The following SEMA5A variants were observed in gnomAD, a reference collection of about 807,000 sequenced individuals.
SEMA5A encodes the protein semaphorin 5A.
In SEMA5A, 55 loss-of-function variants were observed where a neutral mutation model predicts 135.5. The observed-to-expected ratio is 0.41, with a 90% CI of 0.33 to 0.51. SEMA5A has a LOEUF of 0.51. SEMA5A is among the 20% of genes least tolerant of loss of function. The probability of loss-of-function intolerance (pLI) is 0.37; values close to 1 mark genes in which losing one functional copy is unlikely to be tolerated. For synonymous variants in SEMA5A, 580 were observed against 546.5 expected (o/e 1.06, Z -0.85); for missense variants, 1,290 against 1,419.9 (o/e 0.91, Z 1.47).
intron 3 of SEMA5A, among the ~76,000 whole-genome samples, chr5:9,354,106 C>G (rs1054050897): frequency 6.6e-6 from 1 of 152,306 alleles, no homozygotes; most frequent in African/African-American, 2.4e-5. Flanking sequence ...TCACCAGCCT[C>G]TGCAAAGACA....
At chr5:9,485,490 A>G (rs1365568533) in intron 1 of SEMA5A, among the ~76,000 whole-genome samples, 2 of 152,218 alleles carry the variant, frequency 1.3e-5, no homozygotes, top group African/African-American at 4.8e-5. Flanking sequence ...GCAATGAGCA[A>G]ACGAAACAGA....
intron 11 of SEMA5A, among the ~76,000 whole-genome samples, chr5:9,173,889 A>G (rs1744065231): frequency 1.3e-5 from 2 of 152,312 alleles, no homozygotes; most frequent in South Asian, 2.1e-4. Context: ...CTTTCTTAAC[A>G]TTATGAAAAC....
intron 5 of SEMA5A, among the ~76,000 whole-genome samples, chr5:9,244,682 T>TA (rs141479009): frequency 0.015 from 2,240 of 152,322 alleles, 35 homozygotes; most frequent in Admixed American, 0.041. Flanking sequence ...ATCTAGCTGT[T>TA]AAACAAATTA....
Position 9,118,959 on chromosome 5 carries a change from C to T in SEMA5A, c.1925+39G>A. The T allele has an allele frequency of 3.1e-6, 5 of 1,604,418 alleles. No individual in the cohort carries two copies. The East Asian group carries it at 9.0e-5, about 29-fold the overall frequency. On this transcript the variant is annotated intron_variant, in intron 15 of 22. Transcript: ENST00000382496. ...TCGACCTGGCCGGAATGAGAGTAAG[C>T]GTGAGGCTGGCGGTGCTGGCAGCAG...
rs1746612522 is a variant in SEMA5A, at chr5:9,216,177, G to A, written c.646+8497C>T. ...AGCTGTGTCCCAGAAATTCTGGTATGTTGTATCTTTGTTCTCATTAGTTTC... is the reference window on the plus strand; with the variant it reads ...AGCTGTGTCCCAGAAATTCTGGTATATTGTATCTTTGTTCTCATTAGTTTC... On this transcript the variant is annotated intron_variant, in intron 8 of 22. Transcript: ENST00000382496. 2.0e-5 allele frequency among the ~76,000 whole-genome samples: 3 copies of A among 152,168 alleles called. No individual in the cohort carries two copies. In the South Asian group the frequency reaches 6.2e-4, roughly 31 times the overall value.
rs1758951677 is a variant in SEMA5A, at chr5:9,458,945, T to C, written c.-174-21093A>G. Among the ~76,000 whole-genome samples the C allele has an allele frequency of 2.0e-5, 3 of 152,208 alleles. 1 individual carries two copies. In the South Asian group the frequency reaches 6.2e-4, roughly 32 times the overall value. ...TCAGTTAGAATAAGGTAAGCTGTGTTGTAGGAAAACTGATTCAAGTAGTCT... is the reference window on the plus strand; with the variant it reads ...TCAGTTAGAATAAGGTAAGCTGTGTCGTAGGAAAACTGATTCAAGTAGTCT... On this transcript the variant is annotated intron_variant, in intron 1 of 22. Transcript: ENST00000382496.
intron 16 of SEMA5A, among the ~76,000 whole-genome samples, chr5:9,077,367 G>C (rs1738125958): frequency 6.6e-6 from 1 of 152,150 alleles, no homozygotes; most frequent in Non-Finnish European, 1.5e-5. Flanking sequence ...CTGGGGAGAG[G>C]TTAATGATTT....
rs115065958 is a variant in SEMA5A, at chr5:9,052,100, G to C, written c.2690-72C>G. 1,616 of 1,418,730 alleles carry C rather than the reference G, an allele frequency of 1.1e-3. 9 individuals carry two copies. The African/African-American group carries it at 0.021, about 19-fold the overall frequency. The allele number at this position is 1,418,730 out of a possible 1,614,324, so 87.9% of individuals were successfully genotyped here. ...TCAATCATCCTAGACTCACTGGCAA[G>C]TTACATATGTGATTTCTGGATTCCA... On this transcript the variant is annotated intron_variant, in intron 19 of 22. Coordinates refer to ENST00000382496, the MANE Select transcript of SEMA5A (RefSeq NM_003966.3).
Position 9,136,630 on chromosome 5 carries a change from A to G in SEMA5A, c.1482-9T>C, listed in dbSNP as rs375331155. 1.6e-5 allele frequency: 26 copies of G among 1,607,670 alleles called. No homozygotes were observed. In the African/African-American group the frequency reaches 3.5e-4, roughly 21 times the overall value. On this transcript the variant is annotated splice_polypyrimidine_tract_variant and intron_variant, in intron 12 of 22. Transcript: ENST00000382496. ...GGGCCCCAATGCAGGTGCTGGAAAC[A>G]CACACCAAATGGTCAACAGAAAGGT...
chr5:9,251,591 C>G (rs1488715715), intron 5 of SEMA5A, among the ~76,000 whole-genome samples: 1 of 152,118 alleles, frequency 6.6e-6, no homozygotes, highest in Non-Finnish European at 1.5e-5. Context: ...ATGAGATTAA[C>G]CAGAACCAAT....
At chr5:9,315,807 T>C (rs1011443181) in intron 5 of SEMA5A, among the ~76,000 whole-genome samples, 1 of 152,168 alleles carries the variant, frequency 6.6e-6, no homozygotes, top group Admixed American at 6.6e-5. Context: ...CCTTTGACTA[T>C]TTGGTCATGG....
chr5:9,539,770 T>C (rs375921647), intron 1 of SEMA5A, among the ~76,000 whole-genome samples: 117 of 152,328 alleles, frequency 7.7e-4, no homozygotes, highest in African/African-American at 2.7e-3. Flanking sequence ...TGATTAGGAA[T>C]ATTCAATCTG....
chr5:9,045,008 C>T (rs1736174616), intron 21 of SEMA5A, among the ~76,000 whole-genome samples: 3 of 152,114 alleles, frequency 2.0e-5, no homozygotes. Context: ...TAGTCTCAAA[C>T]TCCCAACCTC....
At chr5:9,369,566 C>A (rs1233777788) in intron 3 of SEMA5A, among the ~76,000 whole-genome samples, 3 of 152,128 alleles carry the variant, frequency 2.0e-5, no homozygotes, top group Non-Finnish European at 4.4e-5. Context: ...GAGAGATATA[C>A]CATTTTTCCA....
chr5:9,303,973 A>G (rs1188838502), intron 5 of SEMA5A, among the ~76,000 whole-genome samples: 1 of 152,214 alleles, frequency 6.6e-6, no homozygotes, highest in African/African-American at 2.4e-5. Flanking sequence ...CTTGTTGAAG[A>G]AAAACAAAAT....
intron 17 of SEMA5A, 115 bp downstream of exon 17, chr5:9,066,306 T>C: frequency 3.2e-6 from 3 of 927,228 alleles, no homozygotes; most frequent in Non-Finnish European, 5.2e-6. Flanking sequence ...TTTTCAAGGC[T>C]GCTAAGCCAT....
chr5:9,045,492 G>GA (rs1736202287), intron 21 of SEMA5A, among the ~76,000 whole-genome samples: 2 of 152,122 alleles, frequency 1.3e-5, no homozygotes, highest in Admixed American at 1.3e-4. Context: ...GGGTCTACAG[G>GA]AAAAATAAAT....
At chr5:9,369,135 T>TA (rs1275801606) in intron 3 of SEMA5A, among the ~76,000 whole-genome samples, 2 of 152,230 alleles carry the variant, frequency 1.3e-5, no homozygotes, top group Non-Finnish European at 2.9e-5. Flanking sequence ...CAGTTATGTC[T>TA]AAATTGCTAG....
At chr5:9,100,268 T>C (rs1739553247) in intron 16 of SEMA5A, among the ~76,000 whole-genome samples, 1 of 152,180 alleles carries the variant, frequency 6.6e-6, no homozygotes, top group Admixed American at 6.5e-5. Context: ...CAAAGCCAGG[T>C]GTAGATGTGC....
Sources: allele counts gnomAD v4.1 joint callset (sites outside exome capture counted in the v4.1 genomes callset), GRCh38; gene constraint gnomAD v4.1.1; transcripts MANE v1.5; gene names NCBI Gene and HGNC (gene_info 2026-07-23, HGNC 2026-07-21).